Variants in CSMD1 observed in about 807,000 individuals in gnomAD.
The protein encoded by CSMD1 is CUB and sushi domain-containing protein 1.
A neutral mutation model predicts 417.5 loss-of-function variants in CSMD1; 213 were observed. The observed-to-expected ratio is 0.51, with a 90% CI of 0.46 to 0.57. The LOEUF is 0.57. Among genes scored for constraint, CSMD1 ranks in the 20% least tolerant of loss-of-function variants. CSMD1 has a pLI of 0.00. For synonymous variants in CSMD1, 2,862 were observed against 1,736.8 expected (o/e 1.65, Z -16.11); for missense variants, 6,923 against 4,529.7 (o/e 1.53, Z -15.17).
At chr8:3,268,289 ATTTTTTTTT>A (rs1163842745) in intron 26 of CSMD1, among the ~76,000 whole-genome samples, 4 of 84,270 alleles carry the variant, frequency 4.7e-5, no homozygotes, top group African/African-American at 1.8e-4. Context: ...TTCATTTCCT[ATTTTTTTTT>A]TTTTTTTTTT....
chr8:4,150,060 A>G (rs1796487320), intron 3 of CSMD1, among the ~76,000 whole-genome samples: 1 of 152,218 alleles, frequency 6.6e-6, no homozygotes, highest in Admixed American at 6.5e-5. Context: ...GCTGTGGGTG[A>G]AGAAGTTAAT....
At chr8:3,400,807 T>TTA (rs964869348) in intron 15 of CSMD1, among the ~76,000 whole-genome samples, 11 of 150,770 alleles carry the variant, frequency 7.3e-5, no homozygotes, top group Non-Finnish European at 1.5e-4. Flanking sequence ...TTTTGATATA[T>TTA]TATATATATA....
At chr8:4,307,449 G>A (rs1429406321) in intron 3 of CSMD1, among the ~76,000 whole-genome samples, 1 of 152,090 alleles carries the variant, frequency 6.6e-6, no homozygotes, top group Non-Finnish European at 1.5e-5. Flanking sequence ...ATCAACTTCT[G>A]AAAGCCCATG....
At chr8:4,740,285 G>A (rs776703630) in intron 1 of CSMD1, among the ~76,000 whole-genome samples, 1 of 152,068 alleles carries the variant, frequency 6.6e-6, no homozygotes, top group Non-Finnish European at 1.5e-5. Context: ...TATTTTTGAA[G>A]GTCTTTATTA....
At chr8:4,893,006 T>A (rs1804226397) in intron 1 of CSMD1, among the ~76,000 whole-genome samples, 2 of 152,150 alleles carry the variant, frequency 1.3e-5, no homozygotes, top group African/African-American at 2.4e-5. Context: ...TGATACTGCA[T>A]CTGTGTTTGT....
intron 10 of CSMD1, among the ~76,000 whole-genome samples, chr8:3,537,613 T>A (rs1362829872): frequency 6.6e-6 from 1 of 152,242 alleles, no homozygotes; most frequent in African/African-American, 2.4e-5. Context: ...TGATGGAAAT[T>A]GTGTTTCCTT....
chr8:4,293,797 C>G (rs866731816), intron 3 of CSMD1, among the ~76,000 whole-genome samples: 5 of 152,268 alleles, frequency 3.3e-5, no homozygotes, highest in Middle Eastern at 6.8e-3. Context: ...AACATTGAAG[C>G]AAAATGAACA....
intron 1 of CSMD1, among the ~76,000 whole-genome samples, chr8:4,817,071 C>G (rs557770506): frequency 6.6e-6 from 1 of 152,034 alleles, no homozygotes; most frequent in Non-Finnish European, 1.5e-5. Context: ...AGAACTAGAC[C>G]ATGTATATAC....
At chr8:4,565,742 ATATATACATATATATATATATATATATAT>A (rs1481194021) in intron 2 of CSMD1, among the ~76,000 whole-genome samples, 6 of 86,942 alleles carry the variant, frequency 6.9e-5, no homozygotes, top group Non-Finnish European at 1.1e-4. Flanking sequence ...CTTAAAAAAA[ATATATACATATATATATATATATATATAT>A]ATATATATAT....
chr8:4,667,669 G>T (rs575602599), intron 1 of CSMD1, among the ~76,000 whole-genome samples: 1 of 152,098 alleles, frequency 6.6e-6, no homozygotes, highest in South Asian at 2.1e-4. Flanking sequence ...TTCAGTGATT[G>T]TTGGTTAAAG....
At chr8:2,974,972 C>T (rs662589) in intron 55 of CSMD1, among the ~76,000 whole-genome samples, 2 of 151,916 alleles carry the variant, frequency 1.3e-5, no homozygotes, top group Non-Finnish European at 2.9e-5. Flanking sequence ...AGGAAATTTG[C>T]GAAAGTAACA....
chr8:4,763,292 A>G (rs912735843), intron 1 of CSMD1, among the ~76,000 whole-genome samples: 1 of 152,232 alleles, frequency 6.6e-6, no homozygotes, highest in Non-Finnish European at 1.5e-5. Context: ...CTTTGTAGAT[A>G]TAAAGTAACT....
intron 5 of CSMD1, among the ~76,000 whole-genome samples, chr8:3,873,192 C>G (rs1162550348): frequency 1.3e-5 from 2 of 152,106 alleles, no homozygotes; most frequent in Admixed American, 6.6e-5. Context: ...AGCCAGCAAT[C>G]CCTTTACTGG....
chr8:4,150,886 C>T (rs1315503634), intron 3 of CSMD1, among the ~76,000 whole-genome samples: 12 of 3,110 alleles, frequency 3.9e-3, no homozygotes, highest in Non-Finnish European at 0.011. Context: ...TGCTGAGAAA[C>T]GCCTGAGAAA....
chr8:3,235,270 A>G (rs1799083364), intron 26 of CSMD1, among the ~76,000 whole-genome samples: 1 of 152,214 alleles, frequency 6.6e-6, no homozygotes, highest in Non-Finnish European at 1.5e-5. Context: ...TATAATTTTT[A>G]AAACCAAGAT....
chr8:3,813,904 T>A (rs908824530), intron 5 of CSMD1, among the ~76,000 whole-genome samples: 1 of 152,220 alleles, frequency 6.6e-6, no homozygotes. Flanking sequence ...TTTTTGCTAC[T>A]CTTCTTACTT....
intron 3 of CSMD1, among the ~76,000 whole-genome samples, chr8:4,061,646 C>G (rs1338375132): frequency 6.6e-6 from 1 of 152,142 alleles, no homozygotes; most frequent in Non-Finnish European, 1.5e-5. Flanking sequence ...GGAGGATGGA[C>G]TGTGTGGAAA....
intron 8 of CSMD1, among the ~76,000 whole-genome samples, chr8:3,597,378 C>T (rs569722459): frequency 8.5e-5 from 6 of 70,254 alleles, no homozygotes; most frequent in African/African-American, 2.3e-4. Flanking sequence ...AATTAAACTG[C>T]CCCTAAAGCT....
chr8:4,486,136 T>TATATACGCACACGCAA (rs1432591750), intron 2 of CSMD1, among the ~76,000 whole-genome samples: 468 of 31,526 alleles, frequency 0.015, 212 homozygotes, highest in East Asian at 0.06. Flanking sequence ...TATATATATA[T>TATATACGCACACGCAA]ACATACATAT....
Sources: allele counts gnomAD v4.1 joint callset (sites outside exome capture counted in the v4.1 genomes callset), GRCh38; gene constraint gnomAD v4.1.1; transcripts MANE v1.5; gene names NCBI Gene and HGNC (gene_info 2026-07-23, HGNC 2026-07-21).